AFF3: variants seen among roughly 807,000 people sequenced by gnomAD.
AFF3 encodes ALF transcription elongation factor 3.
A neutral mutation model predicts 129.7 loss-of-function variants in AFF3; 32 were observed. That is an observed-to-expected ratio of 0.25 (90% CI 0.19 to 0.33). The LOEUF (loss-of-function observed/expected upper bound fraction) is 0.33. Ranked by LOEUF, AFF3 falls within the 10% of genes least tolerant of loss-of-function variation. The pLI, the probability that AFF3 is intolerant of heterozygous loss-of-function variation, is 1.00. For synonymous variants in AFF3, 644 were observed against 635.4 expected, an observed-to-expected ratio of 1.01 and a Z score of -0.20; for missense variants, 1,373 against 1,592.0, an observed-to-expected ratio of 0.86 and a Z score of 2.34.
chr2:100,132,929 T>C lies in AFF3; in HGVS notation c.-227-3623A>G, dbSNP rs534225470. ...TGGGTTGGGTTTTCTCAATGTTCTG[T>C]TTTTGTTTTTTTTTTTTAGATACGG... On this transcript the variant is annotated intron_variant, in intron 1 of 24. Transcript: ENST00000672756. Among the ~76,000 whole-genome samples, 4 of 151,670 alleles carry C rather than the reference T, an allele frequency of 2.6e-5. No individual in the cohort carries two copies. The South Asian group carries it at 8.3e-4, about 32-fold the overall frequency.
intron 7 of AFF3, among the ~76,000 whole-genome samples, chr2:99,903,534 G>A (rs760166487): frequency 1.3e-5 from 2 of 152,080 alleles, no homozygotes; most frequent in Non-Finnish European, 2.9e-5. Context: ...TAAAATTAGA[G>A]TTCAAGAAAT....
intron 13 of AFF3, chr2:99,631,145 C>G (rs1390455668): frequency 7.2e-6 from 2 of 276,928 alleles, no homozygotes; most frequent in Admixed American, 1.1e-4. Flanking sequence ...CGCCAAAGTC[C>G]CAGGACTAGC....
At chr2:99,729,743 G>A (rs1184734737) in intron 10 of AFF3, among the ~76,000 whole-genome samples, 4 of 151,318 alleles carry the variant, frequency 2.6e-5, no homozygotes, top group South Asian at 2.1e-4. Context: ...AGTTGGGTGT[G>A]CAGGAGATGT....
At chr2:99,759,155 A>G (rs887214793) in intron 8 of AFF3, among the ~76,000 whole-genome samples, 1 of 152,176 alleles carries the variant, frequency 6.6e-6, no homozygotes, top group Non-Finnish European at 1.5e-5. Flanking sequence ...TTCTCTGCTC[A>G]TGCTCCTCCA....
At position 99,594,279 on chromosome 2, in the gene AFF3, G is replaced by A. The variant is rs1679068014; in HGVS notation, c.1382C>T (p.Ala461Val). ...ATCCAGCTGCCACTTGTTAGAGGAT[G>A]CCGGTTCAGCCTGAAAGCAGAAAAC... is the stretch of plus-strand genomic sequence containing the variant. Reference protein sequence around the residue: ...PHFSSPEAEPASSNKWQLDKW... With the variant: ...PHFSSPEAEPVSSNKWQLDKW... Residue 461 changes from alanine to valine, a missense_variant, in exon 15 of 25, where the codon GCA (alanine) becomes GTA (valine). Transcript: ENST00000672756. The A allele has an allele frequency of 6.2e-7, 1 of 1,604,864 alleles. No individual in the cohort carries two copies. The highest frequency in any genetic ancestry group is 2.2e-5 in the East Asian group (1 of 44,694).
At chr2:99,582,200 T>C (rs1016211681) in intron 17 of AFF3, among the ~76,000 whole-genome samples, 5 of 152,066 alleles carry the variant, frequency 3.3e-5, no homozygotes, top group Admixed American at 3.3e-4. Flanking sequence ...ATCACTACCA[T>C]TTTGCAGGTA....
In AFF3 at chr2:99,554,549, G is replaced by A; in HGVS notation, c.3336-15C>T. 2 of 1,610,434 alleles carry A rather than the reference G, an allele frequency of 1.2e-6. No individual in the cohort carries two copies. The highest frequency in any genetic ancestry group is 1.7e-6 in the Non-Finnish European group (2 of 1,177,982). On this transcript the variant is annotated splice_polypyrimidine_tract_variant and intron_variant, in intron 23 of 24. Transcript: ENST00000672756. ...TTCCAGTGCTCCTGGAAGGGGAGAGGTAGAAAAACCAGAGTGGCGAGGTCG... is the reference window on the plus strand; with the variant it reads ...TTCCAGTGCTCCTGGAAGGGGAGAGATAGAAAAACCAGAGTGGCGAGGTCG...
At chr2:99,733,181 C>A in intron 10 of AFF3, among the ~76,000 whole-genome samples, 1 of 151,856 alleles carries the variant, frequency 6.6e-6, no homozygotes, top group East Asian at 1.9e-4. Flanking sequence ...AGATTGAGAC[C>A]ATCCTGGCTA....
At chr2:100,014,532 A>G (rs1377086736) in intron 4 of AFF3, among the ~76,000 whole-genome samples, 2 of 152,320 alleles carry the variant, frequency 1.3e-5, no homozygotes, top group African/African-American at 4.8e-5. Context: ...GGGAAAAGGA[A>G]GAAGGGCACC....
At chr2:99,747,964 G>A (rs2105172025) in intron 9 of AFF3, among the ~76,000 whole-genome samples, 1 of 152,184 alleles carries the variant, frequency 6.6e-6, no homozygotes, top group East Asian at 1.9e-4. Context: ...TGCTTGTGGA[G>A]GGGTCAGCTA....
intron 7 of AFF3, among the ~76,000 whole-genome samples, chr2:99,977,633 G>A (rs1323629839): frequency 6.6e-6 from 1 of 152,136 alleles, no homozygotes; most frequent in Admixed American, 6.5e-5. Context: ...TCTTTTTGCT[G>A]GACAACCTTG....
intron 1 of AFF3, among the ~76,000 whole-genome samples, chr2:100,135,133 G>A (rs1303572292): frequency 6.6e-6 from 1 of 152,188 alleles, no homozygotes; most frequent in Non-Finnish European, 1.5e-5. Context: ...AGTTCAGAGG[G>A]GTGACAGGAG....
intron 7 of AFF3, among the ~76,000 whole-genome samples, chr2:99,893,349 GTCTC>G (rs1693710781): frequency 6.6e-6 from 1 of 152,228 alleles, no homozygotes; most frequent in Non-Finnish European, 1.5e-5. Flanking sequence ...GAGCCTGACA[GTCTC>G]TATTTAGACA....
At chr2:99,615,149 C>T (rs1230484405) in intron 13 of AFF3, among the ~76,000 whole-genome samples, 1 of 152,224 alleles carries the variant, frequency 6.6e-6, no homozygotes, top group East Asian at 1.9e-4. Flanking sequence ...TCTTGGAGAT[C>T]TGTACATGTC....
intron 7 of AFF3, among the ~76,000 whole-genome samples, chr2:99,902,285 T>C (rs1694398662): frequency 6.6e-6 from 1 of 152,096 alleles, no homozygotes; most frequent in Non-Finnish European, 1.5e-5. Context: ...TTGTTATACA[T>C]ATACAATGAA....
At position 100,061,863 on chromosome 2, in the gene AFF3, G is replaced by C. The variant is rs545362687; in HGVS notation, c.53+42539C>G. On this transcript the variant is annotated intron_variant, in intron 4 of 24. Transcript: ENST00000672756. ...GAGATGGGTAGCACAGTGGAGGGGGGGGGGGTGCCGACTCTCAAGTCCACT... is the reference window on the plus strand; with the variant it reads ...GAGATGGGTAGCACAGTGGAGGGGGCGGGGGTGCCGACTCTCAAGTCCACT... Among the ~76,000 whole-genome samples the C allele has an allele frequency of 6.6e-4, 100 of 150,524 alleles. 1 individual carries two copies. Among genetic ancestry groups the C allele is most frequent in the Non-Finnish European group, 1.2e-3 (78 of 67,274 alleles).
At chr2:99,853,271 G>C (rs1267447232) in intron 7 of AFF3, among the ~76,000 whole-genome samples, 4 of 152,188 alleles carry the variant, frequency 2.6e-5, no homozygotes, top group African/African-American at 9.6e-5. Context: ...TCAACCCAAT[G>C]GTTTCTAAAA....
At chr2:99,785,359 C>T (rs78647395) in intron 8 of AFF3, among the ~76,000 whole-genome samples, 2,884 of 152,294 alleles carry the variant, frequency 0.019, 84 homozygotes, top group African/African-American at 0.065. Flanking sequence ...AGTAATAGCA[C>T]AGAAGTGGCT....
chr2:100,067,337 T>C (rs1018063026), intron 4 of AFF3, among the ~76,000 whole-genome samples: 5 of 152,204 alleles, frequency 3.3e-5, no homozygotes, highest in Admixed American at 1.3e-4. Flanking sequence ...AAGTGCCTCT[T>C]ATCTGTTTCC....
Sources: allele counts gnomAD v4.1 joint callset (sites outside exome capture counted in the v4.1 genomes callset), GRCh38; gene constraint gnomAD v4.1.1; transcripts MANE v1.5; gene names NCBI Gene and HGNC (gene_info 2026-07-23, HGNC 2026-07-21).